The following CATSPERT variants were observed in gnomAD, a reference collection of about 807,000 sequenced individuals.
CATSPERT encodes the protein cation channel sperm-associated targeting subunit tau.
At chr2:201,601,671 A>C in the CATSPERT span, 1 of 1,417,340 alleles carries the variant, frequency 7.1e-7, no homozygotes, top group Non-Finnish European at 9.5e-7. Flanking sequence ...ATAAAAAGAC[A>C]GAATTAGGGT....
At chr2:201,547,913 C>A in the CATSPERT span, among the ~76,000 whole-genome samples, 4 of 151,738 alleles carry the variant, frequency 2.6e-5, no homozygotes, top group Non-Finnish European at 5.9e-5. Context: ...TACACAATGG[C>A]GTTATTATCA....
At chr2:201,506,606 T>G in the CATSPERT span, among the ~76,000 whole-genome samples, 1 of 152,132 alleles carries the variant, frequency 6.6e-6, no homozygotes, top group African/African-American at 2.4e-5. Flanking sequence ...CAGACTGGAG[T>G]GCACTGGCCT....
At chr2:201,502,898 G>GTTTT in the CATSPERT span, among the ~76,000 whole-genome samples, 2 of 147,130 alleles carry the variant, frequency 1.4e-5, no homozygotes, top group Non-Finnish European at 1.5e-5. Context: ...ATACTGTGTT[G>GTTTT]TTTTTTTTTT....
the CATSPERT span, among the ~76,000 whole-genome samples, chr2:201,501,308 T>G: frequency 2.7e-5 from 4 of 149,904 alleles, no homozygotes; most frequent in Non-Finnish European, 4.4e-5. Flanking sequence ...TGAGGCAGAA[T>G]TGCTTGAACC....
At chr2:201,613,479 A>G in the CATSPERT span, among the ~76,000 whole-genome samples, 1 of 152,232 alleles carries the variant, frequency 6.6e-6, no homozygotes. Flanking sequence ...ACAGACCTGC[A>G]GCTGACGGTC....
chr2:201,580,525 C>T, the CATSPERT span, among the ~76,000 whole-genome samples: 1 of 152,162 alleles, frequency 6.6e-6, no homozygotes, highest in Non-Finnish European at 1.5e-5. Context: ...TCCTATGCCA[C>T]ATCTTTTCTT....
chr2:201,617,874 C>A, the CATSPERT span, among the ~76,000 whole-genome samples: 4 of 152,160 alleles, frequency 2.6e-5, no homozygotes, highest in African/African-American at 4.8e-5. Flanking sequence ...AAAAAACAAA[C>A]AACCCCATCA....
chr2:201,561,531 C>T, the CATSPERT span, among the ~76,000 whole-genome samples: 1 of 152,084 alleles, frequency 6.6e-6, no homozygotes, highest in African/African-American at 2.4e-5. Flanking sequence ...TTATTCTATA[C>T]ATAATTAGTA....
the CATSPERT span, among the ~76,000 whole-genome samples, chr2:201,615,266 C>G: frequency 6.6e-6 from 1 of 152,174 alleles, no homozygotes; most frequent in African/African-American, 2.4e-5. Flanking sequence ...CTTCTCAGCA[C>G]CACATCACAC....
chr2:201,491,334 A>G, the CATSPERT span: 2 of 1,537,538 alleles, frequency 1.3e-6, no homozygotes, highest in South Asian at 1.2e-5. Context: ...TGGGTTTTAG[A>G]TCTTCTATCT....
chr2:201,546,999 A>G, the CATSPERT span, among the ~76,000 whole-genome samples: 190 of 152,284 alleles, frequency 1.2e-3, no homozygotes, highest in African/African-American at 4.4e-3. Context: ...TTAAAAACAT[A>G]GCAAGCAAAA....
the CATSPERT span, among the ~76,000 whole-genome samples, chr2:201,611,626 T>C: frequency 6.6e-6 from 1 of 150,768 alleles, no homozygotes; most frequent in African/African-American, 2.4e-5. Flanking sequence ...AGAAATAAAA[T>C]AGAGAACAGA....
At chr2:201,504,348 A>G in the CATSPERT span, among the ~76,000 whole-genome samples, 1 of 152,172 alleles carries the variant, frequency 6.6e-6, no homozygotes, top group Non-Finnish European at 1.5e-5. Flanking sequence ...CTTGACATCC[A>G]TTTTGAATAC....
chr2:201,526,199 A>G, the CATSPERT span, among the ~76,000 whole-genome samples: 239 of 152,292 alleles, frequency 1.6e-3, no homozygotes, highest in African/African-American at 5.6e-3. Context: ...CCTGATGAAC[A>G]TAGATGCAAA....
At chr2:201,602,144 T>G in the CATSPERT span, among the ~76,000 whole-genome samples, 2 of 152,168 alleles carry the variant, frequency 1.3e-5, no homozygotes, top group Non-Finnish European at 2.9e-5. Context: ...CAAGTTTTGC[T>G]ATGTATTAAT....
the CATSPERT span, chr2:201,555,161 A>G: frequency 6.6e-6 from 1 of 152,224 alleles, no homozygotes. Context: ...CATTTCATAT[A>G]GTATCCCCGT....
At chr2:201,619,026 G>A in the CATSPERT span, 1 of 1,614,170 alleles carries the variant, frequency 6.2e-7, no homozygotes, top group South Asian at 1.1e-5. Context: ...CCGGGCTGCT[G>A]TAGGGATTCC....
chr2:201,581,614 A>G, the CATSPERT span, among the ~76,000 whole-genome samples: 1 of 112,200 alleles, frequency 8.9e-6, no homozygotes, highest in African/African-American at 3.4e-5. Flanking sequence ...ATTCTGGAAA[A>G]TATTTTTTTT....
chr2:201,586,132 AGTTGC>A, the CATSPERT span, among the ~76,000 whole-genome samples: 1 of 152,096 alleles, frequency 6.6e-6, no homozygotes, highest in Non-Finnish European at 1.5e-5. Context: ...TCTTTTCTCT[AGTTGC>A]GTTATTGTAA....
Sources: gnomAD v4.1 joint callset for allele counts (sites outside exome capture counted in the v4.1 genomes callset) on GRCh38, gnomAD v4.1.1 for gene constraint, MANE v1.5 for transcripts, NCBI Gene and HGNC (gene_info 2026-07-23, HGNC 2026-07-21) for gene names.